Variants in KMT2C observed in about 807,000 individuals in gnomAD.
KMT2C encodes histone-lysine N-methyltransferase 2C.
In KMT2C, 88 loss-of-function variants were observed where a neutral mutation model predicts 507.9. That is an observed-to-expected ratio of 0.17 (90% CI 0.15 to 0.21). The LOEUF (loss-of-function observed/expected upper bound fraction) is 0.21. Ranked by LOEUF, KMT2C falls within the 10% of genes least tolerant of loss-of-function variation. KMT2C has a pLI of 1.00. For missense variants in KMT2C, 4,954 were observed against 5,957.8 expected (o/e 0.83, Z 5.55); for synonymous variants, 2,049 against 2,080.8 (o/e 0.98, Z 0.42).
chr7:152,389,352 C>CAAAAAA (rs386411673), intron 1 of KMT2C, among the ~76,000 whole-genome samples: 45 of 77,680 alleles, frequency 5.8e-4, no homozygotes, highest in African/African-American at 1.6e-3. Flanking sequence ...GACTCCGTCT[C>CAAAAAA]AAAAAAAAAA....
At chr7:152,285,822 T>C (rs1441740031) in intron 6 of KMT2C, among the ~76,000 whole-genome samples, 1 of 152,010 alleles carries the variant, frequency 6.6e-6, no homozygotes, top group African/African-American at 2.4e-5. Flanking sequence ...CCATCTCTAC[T>C]AAAAATACAA....
chr7:152,292,292 G>C (rs1268887074), intron 6 of KMT2C, among the ~76,000 whole-genome samples: 1 of 152,092 alleles, frequency 6.6e-6, no homozygotes, highest in Non-Finnish European at 1.5e-5. Context: ...CTGGTAATGA[G>C]AGAAATAAAT....
intron 36 of KMT2C, 86 bp from the exon 37 acceptor site, chr7:152,180,212 G>A: frequency 7.0e-7 from 1 of 1,420,616 alleles, no homozygotes; most frequent in Non-Finnish European, 9.8e-7. Context: ...TTAGATATGG[G>A]ATCTTGCTAT....
At chr7:152,338,283 T>C (rs898466223) in intron 2 of KMT2C, among the ~76,000 whole-genome samples, 1 of 152,218 alleles carries the variant, frequency 6.6e-6, no homozygotes, top group African/African-American at 2.4e-5. Context: ...AGTTAATATA[T>C]CATTAATTTA....
chr7:152,255,656 G>A (rs894512756), intron 9 of KMT2C, among the ~76,000 whole-genome samples: 1 of 152,116 alleles, frequency 6.6e-6, no homozygotes, highest in Non-Finnish European at 1.5e-5. Context: ...AAACAGTGTC[G>A]TACTGGTGAA....
chr7:152,225,720 C>A (rs2094908373), intron 18 of KMT2C, among the ~76,000 whole-genome samples: 1 of 152,136 alleles, frequency 6.6e-6, no homozygotes, highest in Non-Finnish European at 1.5e-5. Flanking sequence ...GAACAACATA[C>A]CTAGAAGCCA....
chr7:152,209,592 TGTGGCATG>T (rs1364805605), intron 23 of KMT2C, among the ~76,000 whole-genome samples: 1 of 151,298 alleles, frequency 6.6e-6, no homozygotes, highest in Non-Finnish European at 1.5e-5. Flanking sequence ...AAAATCAAGC[TGTGGCATG>T]GTGGCATGCC....
chr7:152,255,438 T>C (rs530837389), intron 9 of KMT2C, among the ~76,000 whole-genome samples: 1 of 152,006 alleles, frequency 6.6e-6, no homozygotes, highest in South Asian at 2.1e-4. Flanking sequence ...AGTGCTGGGA[T>C]TACAGGTGTG....
At chr7:152,255,112 T>TATAC (rs1253590128) in intron 9 of KMT2C, among the ~76,000 whole-genome samples, 2 of 69,122 alleles carry the variant, frequency 2.9e-5, no homozygotes, top group Non-Finnish European at 4.7e-5. Context: ...CTCTCACTTA[T>TATAC]ATATATATAT....
chr7:152,231,135 T>C (rs1451475219), intron 16 of KMT2C, among the ~76,000 whole-genome samples: 3 of 152,236 alleles, frequency 2.0e-5, no homozygotes, highest in African/African-American at 7.2e-5. Flanking sequence ...TCTCATTATA[T>C]TTCTATTAGC....
rs371529633 is a variant in KMT2C at position 152,151,524 on chromosome 7, G to A, written c.12584C>T (p.Pro4195Leu). The A allele has an allele frequency of 7.4e-6, 12 of 1,613,620 alleles. No homozygotes were observed. The highest frequency in any genetic ancestry group is 1.3e-5 in the African/African-American group (1 of 74,906). ...HGIAESAALR[P>L]QWCCHCKVVI... The stretch of plus-strand genomic sequence containing the variant: ...CACTTTACAATGACAACACCACTGT[G>A]GTCTGAGTGCTGCGCTTTCTGCAAT... The change falls in exon 50 of 59, where the codon CCA becomes CTA. Residue 4195 changes from proline to leucine, a missense_variant. Pro to Leu is a moderately conservative substitution (Grantham distance 98). Around this residue, in one of 29 missense-constraint regions of KMT2C, gnomAD observed 417 missense variants for 461.1 expected, o/e 0.90. Transcript: ENST00000262189.
chr7:152,352,245 G>A (rs150395717), intron 2 of KMT2C, among the ~76,000 whole-genome samples: 51 of 152,160 alleles, frequency 3.4e-4, no homozygotes, highest in East Asian at 9.7e-4. Flanking sequence ...GGATATCCCC[G>A]CCTAATAAAT....
chr7:152,357,607 A>G (rs1478579047), intron 2 of KMT2C, among the ~76,000 whole-genome samples: 1 of 152,094 alleles, frequency 6.6e-6, no homozygotes, highest in African/African-American at 2.4e-5. Flanking sequence ...AACAATATAT[A>G]GTACAGAAAA....
At chr7:152,262,877 T>C (rs2095803257) in intron 9 of KMT2C, 139 bp downstream of exon 9, 3 of 616,338 alleles carry the variant, frequency 4.9e-6, no homozygotes, top group East Asian at 2.8e-5. Context: ...CAGTTTATTA[T>C]ATGTCAGTTA....
At chr7:152,289,443 T>G (rs1289288918) in intron 6 of KMT2C, among the ~76,000 whole-genome samples, 1 of 152,244 alleles carries the variant, frequency 6.6e-6, no homozygotes, top group Non-Finnish European at 1.5e-5. Context: ...GTAAAATAAT[T>G]GTTACACCAT....
chr7:152,223,863 C>T (rs2094849204), intron 20 of KMT2C, 152 bp downstream of exon 20: 1 of 585,416 alleles, frequency 1.7e-6, no homozygotes, highest in African/African-American at 1.9e-5. Flanking sequence ...CAGGAAATCG[C>T]TTCTGTAAGT....
At chr7:152,397,911 C>T (rs2097546807) in intron 1 of KMT2C, among the ~76,000 whole-genome samples, 1 of 152,136 alleles carries the variant, frequency 6.6e-6, no homozygotes, top group Non-Finnish European at 1.5e-5. Flanking sequence ...TTAAAAATTA[C>T]CCAGCCTTGG....
intron 49 of KMT2C, among the ~76,000 whole-genome samples, chr7:152,152,347 T>C (rs2091699075): frequency 6.6e-6 from 1 of 152,142 alleles, no homozygotes; most frequent in Admixed American, 6.5e-5. Flanking sequence ...AGAACCCACG[T>C]CAGGTCACCA....
intron 11 of KMT2C, 50 bp downstream of exon 11, chr7:152,251,888 CA>C (rs746886269): frequency 5.2e-5 from 73 of 1,399,208 alleles, no homozygotes; most frequent in Non-Finnish European, 6.9e-5. Context: ...GATACAATGG[CA>C]CAACATTACA....
Sources: allele counts gnomAD v4.1 joint callset (sites outside exome capture counted in the v4.1 genomes callset), GRCh38; gene constraint gnomAD v4.1.1; regional missense constraint gnomAD v4.1.1; transcripts MANE v1.5; gene names NCBI Gene and HGNC (gene_info 2026-07-23, HGNC 2026-07-21).